The following RANBP2 variants were observed in gnomAD, a reference collection of about 807,000 sequenced individuals.
The protein encoded by RANBP2 is E3 SUMO-protein ligase RanBP2.
A neutral mutation model predicts 303.6 loss-of-function variants in RANBP2; 57 were observed. The observed-to-expected ratio is 0.19, with a 90% CI of 0.15 to 0.23. RANBP2 has a LOEUF of 0.23. Among genes scored for constraint, RANBP2 ranks in the 10% least tolerant of loss-of-function variants. The pLI is 1.00. For synonymous variants in RANBP2, 1,167 were observed against 1,301.5 expected (o/e 0.90, Z 2.23); for missense variants, 3,138 against 3,780.8 (o/e 0.83, Z 4.46).
the RANBP2 span, among the ~76,000 whole-genome samples, chr2:109,648,161 C>T: frequency 7.9e-5 from 12 of 152,086 alleles, no homozygotes; most frequent in African/African-American, 2.4e-4. Context: ...CTTGGGTCCT[C>T]GGGTGGGAAT....
At chr2:108,869,692 AAAAG>A in the RANBP2 span, among the ~76,000 whole-genome samples, 2 of 152,158 alleles carry the variant, frequency 1.3e-5, no homozygotes, top group Non-Finnish European at 2.9e-5. Flanking sequence ...AAACAAGAAA[AAAAG>A]AAAAAAACAG....
the RANBP2 span, among the ~76,000 whole-genome samples, chr2:109,125,603 C>T: frequency 6.6e-6 from 1 of 152,308 alleles, no homozygotes; most frequent in African/African-American, 2.4e-5. Context: ...CCTTAACTTT[C>T]ATGAAGGCAT....
the RANBP2 span, among the ~76,000 whole-genome samples, chr2:109,310,061 C>T: frequency 2.2e-4 from 25 of 114,238 alleles, 2 homozygotes; most frequent in Middle Eastern, 4.3e-3. Context: ...CCACACCACA[C>T]CTATTCCAAA....
chr2:109,340,002 A>G, the RANBP2 span, among the ~76,000 whole-genome samples: 1 of 152,150 alleles, frequency 6.6e-6, no homozygotes, highest in Non-Finnish European at 1.5e-5. Flanking sequence ...GAATTTGCCC[A>G]CCTTGCTACA....
At chr2:108,897,678 T>A in the RANBP2 span, among the ~76,000 whole-genome samples, 1 of 152,176 alleles carries the variant, frequency 6.6e-6, no homozygotes, top group Non-Finnish European at 1.5e-5. Context: ...AGCCCCAGAT[T>A]GGGGTTATCT....
the RANBP2 span, among the ~76,000 whole-genome samples, chr2:108,841,579 A>C: frequency 6.6e-6 from 1 of 152,196 alleles, no homozygotes; most frequent in Non-Finnish European, 1.5e-5. Context: ...CATTTGATTC[A>C]TGTTCTAAAA....
At chr2:109,371,560 T>C in the RANBP2 span, 21 of 1,604,306 alleles carry the variant, frequency 1.3e-5, no homozygotes, top group Non-Finnish European at 1.7e-5. Flanking sequence ...CGTATGCTTG[T>C]GTCCACGGTG....
At chr2:109,614,123 G>C in the RANBP2 span, 3 of 1,206,964 alleles carry the variant, frequency 2.5e-6, no homozygotes, top group South Asian at 4.3e-5. Flanking sequence ...GGCTGAAGGA[G>C]AGCTGGGACT....
chr2:109,074,854 C>G, the RANBP2 span, among the ~76,000 whole-genome samples: 1 of 148,414 alleles, frequency 6.7e-6, no homozygotes, highest in Admixed American at 6.7e-5. Flanking sequence ...AACCCCATCT[C>G]TACTAAAAAT....
the RANBP2 span, among the ~76,000 whole-genome samples, chr2:109,489,259 T>C: frequency 6.6e-6 from 1 of 152,328 alleles, no homozygotes; most frequent in African/African-American, 2.4e-5. Flanking sequence ...ATGGGGATGG[T>C]CCCTTTAGAC....
chr2:109,618,865 G>GT, the RANBP2 span: 1 of 167,056 alleles, frequency 6.0e-6, no homozygotes, highest in Non-Finnish European at 1.5e-5. Context: ...TCTGGTACTA[G>GT]TTTTTTCACG....
At chr2:108,875,797 T>A in the RANBP2 span, among the ~76,000 whole-genome samples, 1 of 152,304 alleles carries the variant, frequency 6.6e-6, no homozygotes, top group East Asian at 1.9e-4. Context: ...AGGTTGAGGC[T>A]GCAGTAAGCT....
chr2:109,596,996 T>G, the RANBP2 span, among the ~76,000 whole-genome samples: 1 of 152,164 alleles, frequency 6.6e-6, no homozygotes, highest in Non-Finnish European at 1.5e-5. Flanking sequence ...CAAGCTGGAG[T>G]GCAGTGGCAT....
the RANBP2 span, among the ~76,000 whole-genome samples, chr2:109,109,318 G>A: frequency 3.3e-5 from 5 of 152,216 alleles, no homozygotes; most frequent in East Asian, 1.9e-4. Context: ...CACATGATTC[G>A]GGCCTTTGTC....
chr2:109,317,560 C>G, the RANBP2 span, among the ~76,000 whole-genome samples: 1 of 152,204 alleles, frequency 6.6e-6, no homozygotes, highest in African/African-American at 2.4e-5. Context: ...CCTGCCTCAT[C>G]TCTTTCCCTG....
chr2:109,575,350 T>C, the RANBP2 span, among the ~76,000 whole-genome samples: 1 of 152,256 alleles, frequency 6.6e-6, no homozygotes, highest in African/African-American at 2.4e-5. Flanking sequence ...CTCTTAGATT[T>C]ATAAGGCACA....
the RANBP2 span, among the ~76,000 whole-genome samples, chr2:108,961,289 G>C: frequency 6.6e-6 from 1 of 151,946 alleles, no homozygotes; most frequent in East Asian, 1.9e-4. Context: ...AAATAATTAA[G>C]AGGGGGAGAC....
At chr2:108,820,712 A>AC in the RANBP2 span, among the ~76,000 whole-genome samples, 5 of 22,600 alleles carry the variant, frequency 2.2e-4, no homozygotes, top group South Asian at 1.6e-3. Context: ...AAAAAAAAAA[A>AC]AAACAAACAA....
the RANBP2 span, among the ~76,000 whole-genome samples, chr2:108,849,872 G>A: frequency 6.6e-6 from 1 of 152,236 alleles, no homozygotes; most frequent in Non-Finnish European, 1.5e-5. Flanking sequence ...ATGCTGATGA[G>A]TCTCAGGGAG....
Sources: allele counts gnomAD v4.1 joint callset (sites outside exome capture counted in the v4.1 genomes callset), GRCh38; gene constraint gnomAD v4.1.1; transcripts MANE v1.5; gene names NCBI Gene and HGNC (gene_info 2026-07-23, HGNC 2026-07-21).